The following RIN2 variants were observed in gnomAD, a reference collection of about 807,000 sequenced individuals.
RIN2 encodes Ras and Rab interactor 2, also known as RAB5 interacting protein 2.
A neutral mutation model predicts 78.0 loss-of-function variants in RIN2; 36 were observed. That is an observed-to-expected ratio of 0.46 (90% CI 0.35 to 0.61). The LOEUF (loss-of-function observed/expected upper bound fraction) is 0.61. Among genes scored for constraint, RIN2 ranks in the 20% least tolerant of loss-of-function variants. RIN2 has a pLI of 0.00. For missense variants in RIN2, 1,087 were observed against 1,159.7 expected (o/e 0.94, Z 0.91); for synonymous variants, 466 against 466.8 (o/e 1.00, Z 0.02).
chr20:19,932,116 C>T (rs1020243992), intron 3 of RIN2, among the ~76,000 whole-genome samples: 1 of 152,156 alleles, frequency 6.6e-6, no homozygotes, highest in African/African-American at 2.4e-5. Flanking sequence ...AAAGGTGAGA[C>T]CTTTAACAGA....
chr20:19,931,451 T>C (rs1270417755), intron 3 of RIN2, among the ~76,000 whole-genome samples: 1 of 152,180 alleles, frequency 6.6e-6, no homozygotes, highest in Non-Finnish European at 1.5e-5. Context: ...TAATAATATA[T>C]TTTAAAACCT....
chr20:19,969,313 C>T (rs1409486619), intron 7 of RIN2, among the ~76,000 whole-genome samples: 1 of 152,170 alleles, frequency 6.6e-6, no homozygotes, highest in Non-Finnish European at 1.5e-5. Flanking sequence ...AGTTTTGTTC[C>T]TTACTAGCAC....
intron 7 of RIN2, among the ~76,000 whole-genome samples, chr20:19,968,040 C>T (rs2041991414): frequency 6.6e-6 from 1 of 152,284 alleles, no homozygotes. Flanking sequence ...TCCCACCATA[C>T]TATTCAGCTG....
chr20:19,999,525 G>A (rs2043077413), intron 12 of RIN2, among the ~76,000 whole-genome samples: 1 of 152,202 alleles, frequency 6.6e-6, no homozygotes, highest in Non-Finnish European at 1.5e-5. Flanking sequence ...AGGGTTGCCA[G>A]ATTTAGCAGA....
chr20:19,885,180 T>G (rs535867225), intron 2 of RIN2, among the ~76,000 whole-genome samples: 29 of 152,304 alleles, frequency 1.9e-4, no homozygotes, highest in African/African-American at 7.0e-4. Context: ...TTGCTGCTTC[T>G]TTTGTGGGTT....
intron 2 of RIN2, among the ~76,000 whole-genome samples, chr20:19,847,026 G>A (rs933607128): frequency 1.3e-5 from 2 of 152,118 alleles, no homozygotes; most frequent in Admixed American, 1.3e-4. Context: ...TTGAACATTA[G>A]CAACTATTCC....
At chr20:20,000,407 CA>C (rs1472684005) in intron 12 of RIN2, among the ~76,000 whole-genome samples, 1 of 152,168 alleles carries the variant, frequency 6.6e-6, no homozygotes, top group Admixed American at 6.5e-5. Context: ...CTTACAGTTG[CA>C]ATGAATCATG....
intron 11 of RIN2, among the ~76,000 whole-genome samples, chr20:19,996,186 T>C (rs183913323): frequency 2.0e-5 from 3 of 152,216 alleles, no homozygotes; most frequent in East Asian, 3.9e-4. Context: ...TGGTGGTGCA[T>C]GCCTTTAATC....
chr20:19,764,367 G>A (rs16981092), intron 1 of RIN2, among the ~76,000 whole-genome samples: 87,593 of 151,946 alleles, frequency 0.58, 26,648 homozygotes, highest in East Asian at 0.71. Flanking sequence ...TTTGAGTCTC[G>A]GAAAGTCAGC....
chr20:19,926,085 T>A (rs937461337), intron 3 of RIN2, among the ~76,000 whole-genome samples: 2 of 152,200 alleles, frequency 1.3e-5, no homozygotes, highest in Non-Finnish European at 2.9e-5. Context: ...CGAGTGAAAT[T>A]AGTAAGCCAG....
At chr20:19,876,846 C>T (rs2037871321) in intron 2 of RIN2, among the ~76,000 whole-genome samples, 1 of 149,420 alleles carries the variant, frequency 6.7e-6, no homozygotes. Flanking sequence ...GCGGAGGTTG[C>T]AGTGAGCTGA....
intron 11 of RIN2, among the ~76,000 whole-genome samples, chr20:19,995,219 C>T (rs563178420): frequency 6.8e-6 from 1 of 146,108 alleles, no homozygotes; most frequent in African/African-American, 2.6e-5. Flanking sequence ...AAACTAACTT[C>T]TGGTCCCTGC....
intron 2 of RIN2, among the ~76,000 whole-genome samples, chr20:19,838,956 G>A (rs998729580): frequency 1.3e-5 from 2 of 152,044 alleles, no homozygotes; most frequent in African/African-American, 4.8e-5. Flanking sequence ...TGGATGGCCC[G>A]GGAGGCCTCT....
In RIN2 at chr20:19,992,249, A is replaced by C; in HGVS notation, c.2150A>C (p.Glu717Ala). The change falls in exon 11 of 13, where the codon GAA becomes GCA. Residue 717 changes from glutamate to alanine, a missense_variant. Physicochemically the swap from Glu to Ala is moderately radical, Grantham distance 107 (BLOSUM62 -1). Transcript: ENST00000255006. ...AQCDMLELDT[E>A]IEYMMELLDP... is the part of the protein sequence containing the mutation. ...TGTGACATGCTTGAATTGGACACTG[A>C]AATCGAGTACATGATGGAGCTCCTA... 6.3e-7 allele frequency: 1 copy of C among 1,598,100 alleles called. No homozygotes were observed. The highest frequency in any genetic ancestry group is 1.1e-5 in the South Asian group (1 of 88,062).
At chr20:19,908,490 CA>C (rs11482794) in intron 3 of RIN2, among the ~76,000 whole-genome samples, 379 of 110,688 alleles carry the variant, frequency 3.4e-3, no homozygotes, top group East Asian at 0.023. Context: ...GACTCCGTCT[CA>C]AAAAAAAAAA....
intron 2 of RIN2, among the ~76,000 whole-genome samples, chr20:19,824,286 T>A (rs1289398123): frequency 1.3e-5 from 2 of 152,200 alleles, no homozygotes; most frequent in African/African-American, 4.8e-5. Flanking sequence ...CATGAGATAA[T>A]TTTAGATGGA....
Position 19,960,735 on chromosome 20 carries a change from G to C in RIN2, c.387G>C (p.Lys129Asn). 4 of 1,604,496 alleles carry C rather than the reference G, an allele frequency of 2.5e-6. No homozygotes were observed. The highest frequency in any genetic ancestry group is 3.4e-6 in the Non-Finnish European group (4 of 1,175,572). The change falls in exon 6 of 13, where the codon AAG (lysine) becomes AAC (asparagine). Residue 129 changes from lysine to asparagine, a missense_variant. Lys to Asn is a moderately conservative substitution (Grantham distance 94). Around this residue, in one of 8 missense-constraint regions of RIN2, gnomAD observed 706 missense variants for 667.5 expected, o/e 1.06. Transcript: ENST00000255006. Reference sequence around the variant, plus strand: ...TTCATAAATCTACCAAGATGCAGAAGAAAGTCCTCTCCCTCCGCCTGCCCT... The same window carrying C: ...TTCATAAATCTACCAAGATGCAGAACAAAGTCCTCTCCCTCCGCCTGCCCT... ...FLVHKSTKMQ[K>N]KVLSLRLPCE...
chr20:19,797,657 C>T (rs1203952498), intron 1 of RIN2, among the ~76,000 whole-genome samples: 1 of 152,018 alleles, frequency 6.6e-6, no homozygotes, highest in East Asian at 1.9e-4. Context: ...TTGAGTAGTC[C>T]TATCTGTGTG....
intron 2 of RIN2, among the ~76,000 whole-genome samples, chr20:19,864,404 C>T (rs1010727394): frequency 3.9e-5 from 6 of 152,154 alleles, no homozygotes; most frequent in African/African-American, 1.4e-4. Flanking sequence ...TTTAGAAGAT[C>T]ATGACGCTTG....
Sources: gnomAD v4.1 joint callset for allele counts (sites outside exome capture counted in the v4.1 genomes callset) on GRCh38, gnomAD v4.1.1 for gene constraint, gnomAD v4.1.1 regional missense constraint, MANE v1.5 for transcripts, NCBI Gene and HGNC (gene_info 2026-07-23, HGNC 2026-07-21) for gene names.